SH3GL2: variants seen among roughly 807,000 people sequenced by gnomAD.
SH3GL2 encodes the protein endophilin-A1.
SH3GL2 carries 24 observed loss-of-function variants against 46.0 expected under a neutral mutation model. The ratio of observed to expected loss-of-function variants is 0.52; its 90% confidence interval spans 0.38 to 0.73. The LOEUF (loss-of-function observed/expected upper bound fraction) is 0.73, where lower values mean the gene tolerates loss of function less well. SH3GL2 is among the 30% of genes least tolerant of loss of function. The probability of loss-of-function intolerance (pLI) is 0.00; values close to 1 mark genes in which losing one functional copy is unlikely to be tolerated. For missense variants in SH3GL2, 413 were observed against 424.2 expected (o/e 0.97, Z 0.23); for synonymous variants, 196 against 147.1 (o/e 1.33, Z -2.40).
chr9:17,703,673 C>T (rs368810138), intron 1 of SH3GL2, among the ~76,000 whole-genome samples: 8 of 151,982 alleles, frequency 5.3e-5, no homozygotes, highest in African/African-American at 1.2e-4. Context: ...ATATGTGATT[C>T]GTCACATACA....
intron 1 of SH3GL2, among the ~76,000 whole-genome samples, chr9:17,615,047 G>A (rs572488777): frequency 1.3e-5 from 2 of 152,258 alleles, no homozygotes; most frequent in South Asian, 2.1e-4. Flanking sequence ...AGAGTCCTCT[G>A]TCATTGGACC....
intron 1 of SH3GL2, among the ~76,000 whole-genome samples, chr9:17,670,758 GAA>G (rs1351305317): frequency 6.6e-6 from 1 of 152,116 alleles, no homozygotes; most frequent in Non-Finnish European, 1.5e-5. Context: ...CTAAAATTAT[GAA>G]AGTTTTTTTC....
chr9:17,618,190 G>C (rs1353659243), intron 1 of SH3GL2, among the ~76,000 whole-genome samples: 1 of 152,108 alleles, frequency 6.6e-6, no homozygotes, highest in Non-Finnish European at 1.5e-5. Flanking sequence ...TGGTTACCAC[G>C]ACTGGAAAGG....
intron 1 of SH3GL2, among the ~76,000 whole-genome samples, chr9:17,745,123 C>T (rs1229272228): frequency 6.6e-6 from 1 of 152,156 alleles, no homozygotes; most frequent in Non-Finnish European, 1.5e-5. Flanking sequence ...CTTTTCTCAT[C>T]TTCAATGTAG....
chr9:17,644,915 C>T (rs1365252962), intron 1 of SH3GL2, among the ~76,000 whole-genome samples: 1 of 138,812 alleles, frequency 7.2e-6, no homozygotes, highest in African/African-American at 2.5e-5. Context: ...CTAATATTGA[C>T]AGTGGGGTGT....
intron 1 of SH3GL2, among the ~76,000 whole-genome samples, chr9:17,712,957 G>C (rs897179623): frequency 5.3e-5 from 8 of 150,360 alleles, no homozygotes; most frequent in Non-Finnish European, 7.4e-5. Context: ...CCGTGTTCCT[G>C]ATCATAGAGA....
chr9:17,695,902 C>G (rs966864705), intron 1 of SH3GL2, among the ~76,000 whole-genome samples: 5 of 152,224 alleles, frequency 3.3e-5, no homozygotes, highest in Non-Finnish European at 7.4e-5. Context: ...CTTAGTAAGT[C>G]ATAGAGGCCT....
chr9:17,623,671 C>T (rs985625167), intron 1 of SH3GL2, among the ~76,000 whole-genome samples: 5 of 151,180 alleles, frequency 3.3e-5, no homozygotes, highest in Non-Finnish European at 5.9e-5. Flanking sequence ...ATCTAATTCA[C>T]CTTTTCTTAT....
intron 1 of SH3GL2, among the ~76,000 whole-genome samples, chr9:17,596,993 A>G (rs944394786): frequency 6.6e-6 from 1 of 152,170 alleles, no homozygotes; most frequent in African/African-American, 2.4e-5. Context: ...GACCTCTGAG[A>G]TAAATAATTT....
intron 7 of SH3GL2, among the ~76,000 whole-genome samples, chr9:17,791,641 G>T (rs1219618015): frequency 2.6e-5 from 4 of 152,158 alleles, no homozygotes. Context: ...TTCCATGTGG[G>T]TACTGGATAC....
chr9:17,723,940 A>G (rs569018516), intron 1 of SH3GL2, among the ~76,000 whole-genome samples: 7 of 152,150 alleles, frequency 4.6e-5, no homozygotes, highest in South Asian at 2.1e-4. Flanking sequence ...TTATCTTTCA[A>G]CGTTTTGAAG....
chr9:17,714,214 A>G (rs1405941714), intron 1 of SH3GL2, among the ~76,000 whole-genome samples: 4 of 151,544 alleles, frequency 2.6e-5, no homozygotes, highest in South Asian at 2.1e-4. Context: ...TTTCCATTCT[A>G]TTACCTTTTT....
At position 17,701,827 on chromosome 9, in the gene SH3GL2, C is replaced by T. The variant is rs186509767; in HGVS notation, c.46-45239C>T. Among the ~76,000 whole-genome samples, 587 of 152,024 alleles carry T rather than the reference C, an allele frequency of 3.9e-3. 4 individuals are homozygous for T. The highest frequency in any genetic ancestry group is 0.01 in the Middle Eastern group (3 of 294). On this transcript the variant is annotated intron_variant, in intron 1 of 8. Transcript: ENST00000380607. ...AAGACATGAGAAACAGAAAAGCATA[C>T]CATGTTCTTTTTATGATTGAAAAGA...
chr9:17,731,710 C>G (rs759779125), intron 1 of SH3GL2, among the ~76,000 whole-genome samples: 1 of 152,130 alleles, frequency 6.6e-6, no homozygotes, highest in Non-Finnish European at 1.5e-5. Flanking sequence ...ACTCCCTCAT[C>G]GCTGTTAGGA....
chr9:17,616,139 A>G (rs1818990194), intron 1 of SH3GL2, among the ~76,000 whole-genome samples: 1 of 152,160 alleles, frequency 6.6e-6, no homozygotes, highest in Non-Finnish European at 1.5e-5. Context: ...GGGAAAATAT[A>G]TTTACTAAGC....
At chr9:17,670,550 G>A (rs551844547) in intron 1 of SH3GL2, among the ~76,000 whole-genome samples, 3 of 152,298 alleles carry the variant, frequency 2.0e-5, no homozygotes, top group African/African-American at 7.2e-5. Context: ...ACACAAAACA[G>A]TTGTATTATG....
chr9:17,672,511 C>T (rs1027525669), intron 1 of SH3GL2, among the ~76,000 whole-genome samples: 2 of 152,058 alleles, frequency 1.3e-5, no homozygotes, highest in African/African-American at 4.8e-5. Context: ...ATTAGCTGGA[C>T]TTAAGTAGGC....
At chr9:17,710,673 T>C (rs189771389) in intron 1 of SH3GL2, among the ~76,000 whole-genome samples, 3 of 152,096 alleles carry the variant, frequency 2.0e-5, no homozygotes, top group Admixed American at 1.3e-4. Context: ...CAAAATGTGG[T>C]ATATATATGT....
At chr9:17,650,150 C>T (rs934812754) in intron 1 of SH3GL2, among the ~76,000 whole-genome samples, 1 of 152,136 alleles carries the variant, frequency 6.6e-6, no homozygotes, top group Non-Finnish European at 1.5e-5. Flanking sequence ...CATTCAGATT[C>T]TCAACTTAGT....
Sources: gnomAD v4.1 joint callset for allele counts (sites outside exome capture counted in the v4.1 genomes callset) on GRCh38, gnomAD v4.1.1 for gene constraint, MANE v1.5 for transcripts, NCBI Gene and HGNC (gene_info 2026-07-23, HGNC 2026-07-21) for gene names.